Variants in PPP4R3B observed in about 807,000 individuals in gnomAD.
The protein encoded by PPP4R3B is serine/threonine-protein phosphatase 4 regulatory subunit 3B.
In PPP4R3B, 52 loss-of-function variants were observed where a neutral mutation model predicts 95.4. That is an observed-to-expected ratio of 0.54 (90% CI 0.44 to 0.69). The LOEUF (loss-of-function observed/expected upper bound fraction) is 0.69. Among genes scored for constraint, PPP4R3B ranks in the 30% least tolerant of loss-of-function variants. PPP4R3B has a pLI of 0.00. For missense variants in PPP4R3B, 1,003 were observed against 1,005.9 expected, an observed-to-expected ratio of 1.00 and a Z score of 0.04; for synonymous variants, 407 against 343.9, an observed-to-expected ratio of 1.18 and a Z score of -2.03.
At chr2:55,603,854 T>G in intron 3 of PPP4R3B, 124 bp downstream of exon 3, 1 of 549,896 alleles carries the variant, frequency 1.8e-6, no homozygotes, top group Non-Finnish European at 3.1e-6. Context: ...AATTTCAAGT[T>G]AGATTATCAA....
chr2:55,603,614 C>A (rs1017013137), intron 3 of PPP4R3B, among the ~76,000 whole-genome samples: 1 of 152,122 alleles, frequency 6.6e-6, no homozygotes, highest in East Asian at 1.9e-4. Context: ...GTGCCTGGTA[C>A]AGTATGCATA....
intron 4 of PPP4R3B, among the ~76,000 whole-genome samples, chr2:55,595,437 G>A (rs1009406238): frequency 3.3e-5 from 5 of 151,856 alleles, no homozygotes; most frequent in African/African-American, 1.2e-4. Flanking sequence ...ACCAGCCTGG[G>A]CAACACAGTG....
At chr2:55,603,280 T>C (rs572033016) in intron 3 of PPP4R3B, among the ~76,000 whole-genome samples, 1 of 152,206 alleles carries the variant, frequency 6.6e-6, no homozygotes, top group East Asian at 1.9e-4. Flanking sequence ...TCCAAGAACA[T>C]GTATTAAAAA....
At chr2:55,613,762 G>C (rs896005283) in intron 2 of PPP4R3B, among the ~76,000 whole-genome samples, 1 of 146,168 alleles carries the variant, frequency 6.8e-6, no homozygotes, top group African/African-American at 2.5e-5. Context: ...TTACATTTAA[G>C]AACAAAGTTC....
At chr2:55,587,160 T>G (rs1421936757) in intron 5 of PPP4R3B, among the ~76,000 whole-genome samples, 1 of 152,252 alleles carries the variant, frequency 6.6e-6, no homozygotes, top group African/African-American at 2.4e-5. Flanking sequence ...AAAGCATGCA[T>G]GCTTTGTTTA....
intron 15 of PPP4R3B, among the ~76,000 whole-genome samples, chr2:55,561,984 A>G (rs372958475): frequency 7.9e-5 from 12 of 152,274 alleles, no homozygotes; most frequent in East Asian, 7.7e-4. Flanking sequence ...GTGGAATGAT[A>G]TGGTTTGGCT....
intron 2 of PPP4R3B, among the ~76,000 whole-genome samples, chr2:55,608,072 C>A (rs1693664557): frequency 6.6e-6 from 1 of 152,208 alleles, no homozygotes. Flanking sequence ...GTGGTGCAAT[C>A]TTGGCTCACT....
intron 4 of PPP4R3B, among the ~76,000 whole-genome samples, chr2:55,589,957 TTA>T (rs1183033201): frequency 7.2e-5 from 10 of 139,760 alleles, no homozygotes; most frequent in African/African-American, 2.3e-4. Context: ...ATATATATAA[TTA>T]TATATATATT....
At chr2:55,599,734 TC>T (rs1692287297) in intron 3 of PPP4R3B, among the ~76,000 whole-genome samples, 3 of 152,208 alleles carry the variant, frequency 2.0e-5, no homozygotes, top group Non-Finnish European at 4.4e-5. Flanking sequence ...TATAATCCTA[TC>T]GTCATCCCTT....
chr2:55,599,065 A>G (rs776011598), intron 3 of PPP4R3B, 26 bp from the exon 4 acceptor site: 6 of 1,555,932 alleles, frequency 3.9e-6, no homozygotes, highest in Non-Finnish European at 4.3e-6. Context: ...TATACAGCTA[A>G]TTACCTTAAA....
chr2:55,579,591 A>G, intron 9 of PPP4R3B, 88 bp downstream of exon 9: 1 of 798,234 alleles, frequency 1.3e-6, no homozygotes, highest in Non-Finnish European at 1.9e-6. Flanking sequence ...TGTCTTATAA[A>G]GTCTCAAGTA....
At chr2:55,566,740 G>A (rs1167211774) in intron 13 of PPP4R3B, among the ~76,000 whole-genome samples, 1 of 152,184 alleles carries the variant, frequency 6.6e-6, no homozygotes, top group Non-Finnish European at 1.5e-5. Context: ...AGGTGCAGTG[G>A]CTCACACCTG....
intron 16 of PPP4R3B, among the ~76,000 whole-genome samples, chr2:55,552,409 A>T (rs1222641145): frequency 1.3e-5 from 2 of 152,060 alleles, no homozygotes; most frequent in African/African-American, 2.4e-5. Context: ...ATATATATAT[A>T]TTTTTTAAGA....
intron 13 of PPP4R3B, 180 bp downstream of exon 13, chr2:55,568,014 A>T: frequency 8.4e-6 from 3 of 358,978 alleles, no homozygotes; most frequent in Non-Finnish European, 9.6e-6. Context: ...GGCAAATAAG[A>T]ATTAAAAAGC....
chr2:55,581,527 G>T (rs1472390630), intron 8 of PPP4R3B, 40 bp downstream of exon 8: 5 of 1,590,280 alleles, frequency 3.1e-6, no homozygotes, highest in South Asian at 1.2e-5. Context: ...ACCTAAAACT[G>T]ACTAGGCCAA....
rs1687041035 is a variant in PPP4R3B, at chr2:55,564,528, A to G, written c.2076-31T>C. The G allele has an allele frequency of 3.2e-6, 5 of 1,543,936 alleles. No homozygotes were observed. In the South Asian group the frequency reaches 6.2e-5, roughly 19 times the overall value. ...AGAAATATATCACAAATATTGAGTA[A>G]TGATTTAAAGTTCATCATCAGATTG... On this transcript the variant is annotated intron_variant, in intron 14 of 16. Coordinates refer to ENST00000616407, the MANE Select transcript of PPP4R3B (RefSeq NM_001122964.3).
intron 12 of PPP4R3B, among the ~76,000 whole-genome samples, chr2:55,570,082 T>A (rs1558968673): frequency 1.3e-5 from 2 of 152,056 alleles, no homozygotes; most frequent in South Asian, 4.2e-4. Flanking sequence ...AAACCCCGTC[T>A]TTACTAAAAT....
At position 55,564,294 on chromosome 2, in the gene PPP4R3B, A is replaced by G. The variant is rs1005455602; in HGVS notation, c.2260+19T>C. 29 of 1,604,424 alleles carry G rather than the reference A, an allele frequency of 1.8e-5. No homozygotes were observed. The highest frequency in any genetic ancestry group is 2.3e-5 in the Non-Finnish European group (27 of 1,175,960). ...CTAAATAAGAGGGTACACTGTGCAA[A>G]AATTCCGAATTTTAATACCTTTTTT... On this transcript the variant is annotated intron_variant, in intron 15 of 16. Transcript: ENST00000616407.
intron 4 of PPP4R3B, among the ~76,000 whole-genome samples, chr2:55,595,305 A>G (rs1691612784): frequency 6.6e-6 from 1 of 151,682 alleles, no homozygotes; most frequent in Admixed American, 6.6e-5. Flanking sequence ...GATTACAGGC[A>G]TGAGCCACCA....
Sources: allele counts gnomAD v4.1 joint callset (sites outside exome capture counted in the v4.1 genomes callset), GRCh38; gene constraint gnomAD v4.1.1; transcripts MANE v1.5; gene names NCBI Gene and HGNC (gene_info 2026-07-23, HGNC 2026-07-21).